The following TMEM232 variants were observed in gnomAD, a reference collection of about 807,000 sequenced individuals.
TMEM232 encodes transmembrane protein 232.
Under a neutral mutation model 78.8 loss-of-function variants are expected in TMEM232, and 80 were observed. The observed-to-expected ratio is 1.01, with a 90% CI of 0.85 to 1.22. The LOEUF is 1.22. Ranked by LOEUF, TMEM232 falls within the 50% of genes most tolerant of loss-of-function variation. The pLI is 0.00. For synonymous variants in TMEM232, 297 were observed against 254.3 expected (o/e 1.17, Z -1.60); for missense variants, 881 against 742.2 (o/e 1.19, Z -2.17).
chr5:110,476,595 T>C (rs1173634405), intron 12 of TMEM232, among the ~76,000 whole-genome samples: 1 of 152,014 alleles, frequency 6.6e-6, no homozygotes, highest in Admixed American at 6.6e-5. Flanking sequence ...GTGATTAATA[T>C]AGAAAAATGT....
At chr5:110,499,638 CACA>C (rs1561575612) in intron 12 of TMEM232, among the ~76,000 whole-genome samples, 4 of 137,744 alleles carry the variant, frequency 2.9e-5, no homozygotes, top group African/African-American at 1.4e-4. Context: ...CCCCCCCCCA[CACA>C]CACACATATA....
At chr5:110,500,972 G>C (rs186475890) in intron 12 of TMEM232, among the ~76,000 whole-genome samples, 1 of 152,246 alleles carries the variant, frequency 6.6e-6, no homozygotes, top group Non-Finnish European at 1.5e-5. Flanking sequence ...TGGTCAAAAT[G>C]CAAGATACAA....
intron 10 of TMEM232, among the ~76,000 whole-genome samples, chr5:110,583,649 T>C (rs1778450434): frequency 6.6e-6 from 1 of 151,368 alleles, no homozygotes. Flanking sequence ...CTACATCAAA[T>C]AAAAAAGCTT....
chr5:110,701,608 A>G (rs1445515673), intron 1 of TMEM232, among the ~76,000 whole-genome samples: 1 of 152,044 alleles, frequency 6.6e-6, no homozygotes, highest in Non-Finnish European at 1.5e-5. Context: ...ATTAATTTAC[A>G]TATGTTTCTT....
At chr5:110,415,663 G>A (rs969476768), downstream of TMEM232, among the ~76,000 whole-genome samples, 20 of 151,896 alleles carry the variant, frequency 1.3e-4, no homozygotes, top group Admixed American at 1.3e-3. Flanking sequence ...GCTTTTTATT[G>A]GGAAGCTTTT....
intron 10 of TMEM232, among the ~76,000 whole-genome samples, chr5:110,588,600 G>A (rs566115110): frequency 3.3e-5 from 5 of 152,208 alleles, no homozygotes; most frequent in African/African-American, 7.2e-5. Flanking sequence ...ACTAGAACGC[G>A]AGAAAATGAA....
chr5:110,697,378 A>G (rs1377809903), intron 1 of TMEM232, among the ~76,000 whole-genome samples: 1 of 152,230 alleles, frequency 6.6e-6, no homozygotes, highest in Non-Finnish European at 1.5e-5. Context: ...CATTCAGGAC[A>G]TAGGCATGGG....
chr5:110,738,171 AGGAT>A, upstream of TMEM232: 1 of 1,250,774 alleles, frequency 8.0e-7, no homozygotes, highest in South Asian at 1.3e-5. Context: ...GAAGGAACAT[AGGAT>A]GAAACCATGG....
intron 2 of TMEM232, among the ~76,000 whole-genome samples, chr5:110,402,143 C>T (rs543344831): frequency 9.9e-5 from 15 of 152,192 alleles, no homozygotes; most frequent in Non-Finnish European, 2.1e-4. Flanking sequence ...CCAGATGACT[C>T]ATCCGTTTGC....
intron 1 of TMEM232, among the ~76,000 whole-genome samples, chr5:110,699,051 C>CAAACAAAACA (rs139878818): frequency 3.3e-5 from 5 of 150,028 alleles, no homozygotes; most frequent in Non-Finnish European, 5.9e-5. Context: ...AGGACAAAAA[C>CAAACAAAACA]AAACAAAACA....
chr5:110,691,636 T>G (rs894383836), intron 1 of TMEM232, among the ~76,000 whole-genome samples: 2 of 152,256 alleles, frequency 1.3e-5, no homozygotes, highest in South Asian at 4.1e-4. Flanking sequence ...ATTTCATCAA[T>G]GTTTACTGAT....
chr5:110,632,480 AT>A (rs1344444847), intron 5 of TMEM232, among the ~76,000 whole-genome samples: 3 of 152,216 alleles, frequency 2.0e-5, no homozygotes, highest in Non-Finnish European at 4.4e-5. Context: ...ATACAAGAGA[AT>A]TTCAAAAAAT....
intron 12 of TMEM232, among the ~76,000 whole-genome samples, chr5:110,435,391 T>G (rs1580669239): frequency 6.6e-6 from 1 of 151,798 alleles, no homozygotes; most frequent in African/African-American, 2.4e-5. Context: ...GTACATGAGA[T>G]ATTTTGGTAC....
intron 2 of TMEM232, among the ~76,000 whole-genome samples, chr5:110,408,855 C>A (rs1367006669): frequency 2.0e-5 from 3 of 152,012 alleles, no homozygotes; most frequent in Non-Finnish European, 4.4e-5. Flanking sequence ...AGAACATGCC[C>A]ACCTAGCCCA....
At chr5:110,425,814 T>A (rs1757170689) in intron 12 of TMEM232, among the ~76,000 whole-genome samples, 1 of 152,098 alleles carries the variant, frequency 6.6e-6, no homozygotes, top group Admixed American at 6.6e-5. Flanking sequence ...ACTTTACTCT[T>A]GTCTCTATAC....
chr5:110,394,640 T>C (rs1486176806), intron 3 of TMEM232, among the ~76,000 whole-genome samples: 1 of 152,224 alleles, frequency 6.6e-6, no homozygotes, highest in African/African-American at 2.4e-5. Context: ...GGGTCACAAC[T>C]GTTTGTTTCA....
At chr5:110,610,911 C>T (rs1041518923) in intron 8 of TMEM232, among the ~76,000 whole-genome samples, 1 of 152,012 alleles carries the variant, frequency 6.6e-6, no homozygotes, top group Non-Finnish European at 1.5e-5. Context: ...TTGGCCTTAC[C>T]TAAGTAATCA....
At position 110,424,999 on chromosome 5, in the gene TMEM232, TTTA is replaced by T. The variant is rs138498361; in HGVS notation, c.1704-86_1704-84del. On this transcript the variant is annotated intron_variant, in intron 12 of 13. Coordinates refer to ENST00000455884, the MANE Select transcript of TMEM232 (RefSeq NM_001039763.4). ...AAATAGAATTGTAACTAAGCCATAA[TTTA>T]TTATTAAGCATTTTGATTCTTCATT... 5.9e-3 allele frequency: 5,586 copies of T among 954,856 alleles called. 25 individuals carry two copies. The highest frequency in any genetic ancestry group is 6.9e-3 in the Non-Finnish European group (4,425 of 637,124). 59.1% of individuals were successfully genotyped at this position (954,856 alleles called of 1,614,324 possible).
intron 12 of TMEM232, among the ~76,000 whole-genome samples, chr5:110,441,146 T>C (rs1405345274): frequency 6.6e-6 from 1 of 152,122 alleles, no homozygotes; most frequent in Non-Finnish European, 1.5e-5. Flanking sequence ...CTTGACCATA[T>C]TGATATTTGG....
Sources: gnomAD v4.1 joint callset for allele counts (sites outside exome capture counted in the v4.1 genomes callset) on GRCh38, gnomAD v4.1.1 for gene constraint, MANE v1.5 for transcripts, NCBI Gene and HGNC (gene_info 2026-07-23, HGNC 2026-07-21) for gene names.